Variants in ST6GAL1 observed in about 807,000 individuals in gnomAD.
ST6GAL1 encodes beta-galactoside alpha-2,6-sialyltransferase 1.
A neutral mutation model predicts 38.0 loss-of-function variants in ST6GAL1; 20 were observed. The ratio of observed to expected loss-of-function variants is 0.53; its 90% CI spans 0.37 to 0.77. The LOEUF (loss-of-function observed/expected upper bound fraction) is 0.77, where lower values mean the gene tolerates loss of function less well. Among genes scored for constraint, ST6GAL1 ranks in the 30% least tolerant of loss-of-function variants. The pLI is 0.00. For synonymous variants in ST6GAL1, 196 were observed against 188.2 expected (o/e 1.04, Z -0.34); for missense variants, 432 against 496.4 (o/e 0.87, Z 1.23).
intron 2 of ST6GAL1, among the ~76,000 whole-genome samples, chr3:187,026,201 C>T (rs183563741): frequency 3.9e-5 from 6 of 152,340 alleles, no homozygotes; most frequent in Admixed American, 1.3e-4. Context: ...TTGAGCAAAA[C>T]GGTGACTTGT....
chr3:186,985,811 C>G (rs1364302291), intron 2 of ST6GAL1, among the ~76,000 whole-genome samples: 5 of 151,196 alleles, frequency 3.3e-5, no homozygotes, highest in African/African-American at 1.2e-4. Flanking sequence ...GAAAAAAAGA[C>G]GAGGTCTGGA....
chr3:186,948,390 T>TA (rs2108519263), intron 1 of ST6GAL1, among the ~76,000 whole-genome samples: 1 of 152,274 alleles, frequency 6.6e-6, no homozygotes, highest in Non-Finnish European at 1.5e-5. Flanking sequence ...TGACAACACT[T>TA]ATCAAACTGG....
chr3:186,974,610 T>C (rs1057456273), intron 2 of ST6GAL1, among the ~76,000 whole-genome samples: 1 of 152,126 alleles, frequency 6.6e-6, no homozygotes, highest in African/African-American at 2.4e-5. Context: ...GGGTCAGCTT[T>C]AGATGCAAAA....
intron 5 of ST6GAL1, among the ~76,000 whole-genome samples, chr3:187,058,078 C>T (rs11929177): frequency 0.019 from 2,819 of 152,332 alleles, 98 homozygotes; most frequent in African/African-American, 0.065. Context: ...AGCAAGGCTC[C>T]GTGGTCCTGG....
chr3:186,986,914 A>G (rs1438567690), intron 2 of ST6GAL1, among the ~76,000 whole-genome samples: 1 of 152,168 alleles, frequency 6.6e-6, no homozygotes, highest in Non-Finnish European at 1.5e-5. Context: ...GGAGAAAAAG[A>G]AAAACAAGGA....
intron 7 of ST6GAL1, among the ~76,000 whole-genome samples, chr3:187,074,590 G>C (rs1441469105): frequency 6.6e-6 from 1 of 152,188 alleles, no homozygotes; most frequent in African/African-American, 2.4e-5. Context: ...AGAAGGGAGA[G>C]ACAACCTGGT....
chr3:186,966,516 G>C (rs1715123608), intron 2 of ST6GAL1, among the ~76,000 whole-genome samples: 1 of 152,184 alleles, frequency 6.6e-6, no homozygotes, highest in Non-Finnish European at 1.5e-5. Context: ...TTGCCCACGT[G>C]GTAGTTCCAA....
intron 1 of ST6GAL1, among the ~76,000 whole-genome samples, chr3:186,947,276 T>C (rs138793566): frequency 2.9e-4 from 44 of 152,286 alleles, no homozygotes; most frequent in African/African-American, 1.0e-3. Flanking sequence ...GAGAGATCTG[T>C]GCTTGCTTCA....
In ST6GAL1 at chr3:187,075,474, G is replaced by C; in HGVS notation, c.980-88G>C. On this transcript the variant is annotated intron_variant, in intron 7 of 7. Transcript: ENST00000169298. This position sits in a 1 kb window ranked among gnomAD's most constrained non-coding sequence, Gnocchi z 4.1. ...CCAGAGGGAAAGCTCTCCAAATTTG[G>C]GGTCATGAGCTGCTGAACCCACTGG... The C allele has an allele frequency of 6.5e-7, 1 of 1,542,072 alleles. No individual in the cohort carries two copies. Among genetic ancestry groups the C allele is most frequent in the South Asian group, 1.2e-5 (1 of 80,266 alleles).
At chr3:186,987,851 T>A (rs2108543031) in intron 2 of ST6GAL1, among the ~76,000 whole-genome samples, 1 of 152,352 alleles carries the variant, frequency 6.6e-6, no homozygotes, top group East Asian at 1.9e-4. Context: ...CTGCTGCTGC[T>A]TCTTATGCTA....
intron 2 of ST6GAL1, among the ~76,000 whole-genome samples, chr3:187,023,002 T>G (rs1717384552): frequency 6.6e-6 from 1 of 152,230 alleles, no homozygotes; most frequent in Non-Finnish European, 1.5e-5. Context: ...TTTACCTTAA[T>G]GCTGGTCACT....
At chr3:186,938,719 A>C (rs1714050181) in intron 1 of ST6GAL1, among the ~76,000 whole-genome samples, 1 of 152,252 alleles carries the variant, frequency 6.6e-6, no homozygotes, top group South Asian at 2.1e-4. Flanking sequence ...AAAATTTCAA[A>C]CATACAAAAG....
intron 5 of ST6GAL1, chr3:187,051,576 G>T: frequency 2.2e-6 from 1 of 464,750 alleles, no homozygotes; most frequent in Non-Finnish European, 4.0e-6. Context: ...GAGGTGTCTG[G>T]TACCCAGGAA....
At chr3:186,978,717 C>T (rs184802736) in intron 2 of ST6GAL1, among the ~76,000 whole-genome samples, 6 of 152,332 alleles carry the variant, frequency 3.9e-5, no homozygotes, top group Non-Finnish European at 4.4e-5. Flanking sequence ...CCACCAGTCC[C>T]AGTTGCTTGC....
At chr3:186,986,869 C>T (rs1210673186) in intron 2 of ST6GAL1, among the ~76,000 whole-genome samples, 2 of 152,056 alleles carry the variant, frequency 1.3e-5, no homozygotes, top group Non-Finnish European at 2.9e-5. Flanking sequence ...GATCTAAGGT[C>T]ATTTCCTTTG....
chr3:187,029,961 A>C (rs1395394934), intron 2 of ST6GAL1, among the ~76,000 whole-genome samples: 9 of 152,122 alleles, frequency 5.9e-5, no homozygotes, highest in African/African-American at 2.2e-4. Flanking sequence ...TGGTAATTGG[A>C]GATGGGATGC....
chr3:186,967,620 G>A lies in ST6GAL1; in HGVS notation c.-183+3694G>A, dbSNP rs568680902. On this transcript the variant is annotated intron_variant, in intron 2 of 7. Transcript: ENST00000169298. ...GAGGGGAGGAGGCAGAGTGGCAGAG[G>A]GAGTGATTTGGGGAGGCACTGCTAC... Among the ~76,000 whole-genome samples the A allele has an allele frequency of 5.9e-5, 9 of 152,316 alleles. No homozygotes were observed. The East Asian group carries it at 1.7e-3, about 29-fold the overall frequency.
At chr3:186,984,831 C>T (rs1258088447) in intron 2 of ST6GAL1, among the ~76,000 whole-genome samples, 7 of 60,462 alleles carry the variant, frequency 1.2e-4, no homozygotes, top group Admixed American at 2.0e-4. Flanking sequence ...TTCCTTCCCT[C>T]CCTCCCTCCC....
chr3:186,983,835 G>C (rs1715773271), intron 2 of ST6GAL1, among the ~76,000 whole-genome samples: 1 of 152,142 alleles, frequency 6.6e-6, no homozygotes, highest in East Asian at 1.9e-4. Flanking sequence ...AGAGTAAACA[G>C]TCATGCAGCT....
Sources: gnomAD v4.1 joint callset for allele counts (sites outside exome capture counted in the v4.1 genomes callset) on GRCh38, gnomAD v4.1.1 for gene constraint, Gnocchi (gnomAD v3.1) non-coding constraint, MANE v1.5 for transcripts, NCBI Gene and HGNC (gene_info 2026-07-23, HGNC 2026-07-21) for gene names.